The following GABRP variants were observed in gnomAD, a reference collection of about 807,000 sequenced individuals.
GABRP encodes gamma-aminobutyric acid type A receptor subunit pi, also known as gamma-aminobutyric acid receptor subunit pi.
In GABRP, 52 loss-of-function variants were observed where a neutral mutation model predicts 47.8. That is an observed-to-expected ratio of 1.09 (90% CI 0.87 to 1.37). The LOEUF (loss-of-function observed/expected upper bound fraction) is 1.37, where lower values mean the gene tolerates loss of function less well. GABRP is among the 40% of genes most tolerant of loss of function. The pLI, the probability that GABRP is intolerant of heterozygous loss-of-function variation, is 0.00. For missense variants in GABRP, 525 were observed against 542.8 expected, an observed-to-expected ratio of 0.97 and a Z score of 0.33; for synonymous variants, 221 against 205.8, an observed-to-expected ratio of 1.07 and a Z score of -0.63.
At chr5:170,791,373 T>C (rs949677530) in intron 3 of GABRP, among the ~76,000 whole-genome samples, 2 of 152,258 alleles carry the variant, frequency 1.3e-5, no homozygotes, top group Non-Finnish European at 2.9e-5. Flanking sequence ...GGAGGGCCAT[T>C]GCTCTCTGTA....
intron 5 of GABRP, among the ~76,000 whole-genome samples, chr5:170,796,390 A>C (rs1295805614): frequency 1.3e-5 from 2 of 152,126 alleles, no homozygotes; most frequent in Non-Finnish European, 2.9e-5. Context: ...GAGTGTGTGC[A>C]TGCATTTGTG....
At chr5:170,785,584 A>C (rs1765108091) in intron 1 of GABRP, among the ~76,000 whole-genome samples, 2 of 152,236 alleles carry the variant, frequency 1.3e-5, no homozygotes, top group Admixed American at 1.3e-4. Flanking sequence ...TTCTCAGATC[A>C]TGAGACTCCT....
chr5:170,784,402 G>A (rs1478388566), intron 1 of GABRP, among the ~76,000 whole-genome samples: 1 of 152,190 alleles, frequency 6.6e-6, no homozygotes, highest in African/African-American at 2.4e-5. Flanking sequence ...TCCAGCCTGG[G>A]AAGTTTTCAA....
chr5:170,800,031 CAAGTCAATCCT>C (rs1162725001), intron 6 of GABRP, among the ~76,000 whole-genome samples: 1 of 152,146 alleles, frequency 6.6e-6, no homozygotes, highest in East Asian at 1.9e-4. Context: ...CCCACATTGC[CAAGTCAATCCT>C]AAGCCAAAAG....
chr5:170,794,772 C>T (rs1765376840), intron 4 of GABRP, among the ~76,000 whole-genome samples: 1 of 151,784 alleles, frequency 6.6e-6, no homozygotes, highest in Non-Finnish European at 1.5e-5. Context: ...AGGCAGTTTG[C>T]CAAGAGGGTA....
intron 3 of GABRP, among the ~76,000 whole-genome samples, chr5:170,793,329 G>C (rs62392792): frequency 0.02 from 3,082 of 152,276 alleles, 69 homozygotes; most frequent in Non-Finnish European, 0.028. Context: ...CATATAAAGA[G>C]AAGTAAACTT....
chr5:170,792,056 C>G (rs1011176299), intron 3 of GABRP, among the ~76,000 whole-genome samples: 1 of 152,196 alleles, frequency 6.6e-6, no homozygotes, highest in Non-Finnish European at 1.5e-5. Context: ...CCTCTTAACA[C>G]TCTTACAATG....
At position 170,795,196 on chromosome 5, in the gene GABRP, TC is replaced by T. The variant is rs1765392940; in HGVS notation, c.241-7del. ...CCCCCATCCATTTCCATACCCTGCCTCCCCCTCCCAGGACTACACAGCCACC... is the reference window on the plus strand; with the variant it reads ...CCCCCATCCATTTCCATACCCTGCCTCCCCTCCCAGGACTACACAGCCACC... On this transcript the variant is annotated splice_polypyrimidine_tract_variant and intron_variant, in intron 4 of 9. Transcript: ENST00000265294. 6.2e-7 allele frequency: 1 copy of T among 1,602,152 alleles called. No homozygotes were observed. Among genetic ancestry groups the T allele is most frequent in the Non-Finnish European group, 8.5e-7 (1 of 1,170,696 alleles).
intron 6 of GABRP, among the ~76,000 whole-genome samples, chr5:170,804,998 AT>A (rs2127263287): frequency 9.4e-6 from 1 of 105,960 alleles, no homozygotes; most frequent in South Asian, 3.5e-4. Context: ...TATATTATAT[AT>A]TATATATATT....
Position 170,809,748 on chromosome 5 carries a change from A to C in GABRP, c.1013A>C (p.Lys338Thr). 1.3e-6 allele frequency: 2 copies of C among 1,588,944 alleles called. No homozygotes were observed. Among genetic ancestry groups the C allele is most frequent in the Non-Finnish European group, 1.7e-6 (2 of 1,168,010 alleles). The change falls in exon 9 of 10, where the codon AAA (lysine) becomes ACA (threonine). Residue 338 changes from lysine (K) to threonine (T), a missense_variant. Transcript: ENST00000265294. ...AGTTCCTTACAGCAGATGGCAGCCAAAGATAGGGTAAGAGTCTTGAGGGCC... is the reference window on the plus strand; with the variant it reads ...AGTTCCTTACAGCAGATGGCAGCCACAGATAGGGTAAGAGTCTTGAGGGCC... ...HYSSLQQMAA[K>T]DRGTTKEVEE...
intron 2 of GABRP, 21 bp from the exon 3 acceptor site, chr5:170,789,107 AC>A: frequency 1.3e-6 from 2 of 1,590,232 alleles, no homozygotes; most frequent in Non-Finnish European, 1.7e-6. Flanking sequence ...AGCAAACACA[AC>A]AAAGCCCATT....
chr5:170,796,205 C>T (rs775357272), intron 5 of GABRP, among the ~76,000 whole-genome samples: 14 of 152,136 alleles, frequency 9.2e-5, no homozygotes, highest in Non-Finnish European at 1.8e-4. Context: ...TTGAGCTAAC[C>T]GATAAACTGA....
At chr5:170,784,603 G>C (rs903412945) in intron 1 of GABRP, among the ~76,000 whole-genome samples, 8 of 152,192 alleles carry the variant, frequency 5.3e-5, no homozygotes, top group African/African-American at 1.7e-4. Flanking sequence ...CTCACACTCT[G>C]AGTGGCACCT....
chr5:170,794,277 T>C lies in GABRP; in HGVS notation c.219T>C (p.Ser73=). ...TGACTCTGGACATTGCAAGTATCTC[T>C]AGCATTTCAGAGAGTAACATGGTAA... The part of the protein sequence containing the change: ...IALTLDIASI[S]SISESNMDYT... The change falls in exon 4 of 10, where the codon TCT becomes TCC. Residue 73 remains serine, a synonymous_variant. Coordinates refer to ENST00000265294, the MANE Select transcript of GABRP (RefSeq NM_014211.3). 2 of 1,607,360 alleles carry C rather than the reference T, an allele frequency of 1.2e-6. No homozygotes were observed. Among genetic ancestry groups the C allele is most frequent in the Non-Finnish European group, 1.7e-6 (2 of 1,174,974 alleles).
Position 170,805,742 on chromosome 5 carries a change from T to C in GABRP, c.568T>C (p.Phe190Leu). 6.2e-7 allele frequency: 1 copy of C among 1,614,126 alleles called. No individual in the cohort carries two copies. The highest frequency in any genetic ancestry group is 8.5e-7 in the Non-Finnish European group (1 of 1,180,034). Residue 190 changes from phenylalanine to leucine, a missense_variant, in exon 7 of 10, where the codon TTC (phenylalanine) becomes CTC (leucine). Coordinates refer to ENST00000265294, the MANE Select transcript of GABRP (RefSeq NM_014211.3). The part of the protein sequence containing the change: ...SWGYDGNDVE[F>L]TWLRGNDSVR... ...GGGCTATGATGGAAATGATGTGGAG[T>C]TCACCTGGCTGAGAGGGAACGACTC...
At chr5:170,796,206 G>A (rs9313525) in intron 5 of GABRP, among the ~76,000 whole-genome samples, 79,438 of 152,096 alleles carry the variant, frequency 0.52, 23,314 homozygotes, top group African/African-American at 0.81. Context: ...TGAGCTAACC[G>A]ATAAACTGAA....
chr5:170,797,846 C>T (rs183970668), intron 6 of GABRP, among the ~76,000 whole-genome samples: 53 of 152,302 alleles, frequency 3.5e-4, no homozygotes, highest in African/African-American at 8.2e-4. Flanking sequence ...CAGCAAACAA[C>T]GGCTGGTGTG....
intron 6 of GABRP, among the ~76,000 whole-genome samples, chr5:170,799,102 A>T (rs1188423857): frequency 6.6e-6 from 1 of 152,172 alleles, no homozygotes; most frequent in Non-Finnish European, 1.5e-5. Flanking sequence ...TCTACAAAGG[A>T]CATGAACTCA....
chr5:170,794,165 C>T, intron 3 of GABRP, 66 bp from the exon 4 acceptor site: 2 of 968,876 alleles, frequency 2.1e-6, no homozygotes, highest in Non-Finnish European at 3.1e-6. Flanking sequence ...TTTTAGAATG[C>T]ACTAATATAG....
Sources: allele counts gnomAD v4.1 joint callset (sites outside exome capture counted in the v4.1 genomes callset), GRCh38; gene constraint gnomAD v4.1.1; transcripts MANE v1.5; gene names NCBI Gene and HGNC (gene_info 2026-07-23, HGNC 2026-07-21).